EEF2K: variants seen among roughly 807,000 people sequenced by gnomAD.
EEF2K encodes alternative protein EEF2K.
In EEF2K, 70 loss-of-function variants were observed where a neutral mutation model predicts 93.8. The ratio of observed to expected loss-of-function variants is 0.75; its 90% CI spans 0.62 to 0.91. The LOEUF (loss-of-function observed/expected upper bound fraction) is 0.91. Among genes scored for constraint, EEF2K ranks in the 40% least tolerant of loss-of-function variants. The pLI, the probability that EEF2K is intolerant of heterozygous loss-of-function variation, is 0.00. For synonymous variants in EEF2K, 376 were observed against 380.8 expected, an observed-to-expected ratio of 0.99 and a Z score of 0.15; for missense variants, 935 against 972.9, an observed-to-expected ratio of 0.96 and a Z score of 0.52.
chr16:22,280,354 G>A lies in EEF2K; in HGVS notation c.2046G>A (p.Leu682=), dbSNP rs779842864. 5.7e-6 allele frequency: 9 copies of A among 1,591,042 alleles called. No homozygotes were observed. In the South Asian group the frequency reaches 5.7e-5, roughly 10 times the overall value. ...AEMLFTGGYG[L]EKDPQRSGDL... ...TGCTGTTCACAGGAGGCTACGGGCT[G>A]GAGAAGGACCCGCAGAGATCAGGTA... Residue 682 remains leucine (L), a synonymous_variant, in exon 17 of 18, where the codon CTG becomes CTA. Coordinates refer to ENST00000263026, the MANE Select transcript of EEF2K (RefSeq NM_013302.5).
intron 1 of EEF2K, among the ~76,000 whole-genome samples, chr16:22,218,061 A>G (rs1234229864): frequency 3.3e-5 from 5 of 152,186 alleles, no homozygotes; most frequent in Non-Finnish European, 7.3e-5. Flanking sequence ...CAGTCACTCA[A>G]GCAAAAAGCC....
Position 22,260,318 on chromosome 16 carries a change from T to G in EEF2K, c.1232-144T>G, listed in dbSNP as rs146969979. The G allele has an allele frequency of 6.2e-4, 462 of 747,918 alleles. No individual in the cohort carries two copies. In the African/African-American group the frequency reaches 6.4e-3, roughly 10 times the overall value. 46.3% of individuals were successfully genotyped at this position (747,918 alleles called of 1,614,324 possible). ...TTTAGCCTCCAGGTGCTGATAACAT[T>G]CTTCTCCTTTTTTGTGCCTTTCTTT... On this transcript the variant is annotated intron_variant, in intron 10 of 17. Transcript: ENST00000263026.
At chr16:22,276,687 A>G (rs1007222385) in intron 16 of EEF2K, among the ~76,000 whole-genome samples, 1 of 152,158 alleles carries the variant, frequency 6.6e-6, no homozygotes, top group Non-Finnish European at 1.5e-5. Flanking sequence ...TTTCAGGCCA[A>G]TTTTGCTTTG....
At chr16:22,244,889 A>G (rs560299371) in intron 3 of EEF2K, among the ~76,000 whole-genome samples, 159 bp downstream of exon 3, 1 of 152,172 alleles carries the variant, frequency 6.6e-6, no homozygotes, top group Non-Finnish European at 1.5e-5. Flanking sequence ...GGCCCGGTGC[A>G]TTACCTCACT....
At chr16:22,223,268 T>TG (rs1395029775) in intron 1 of EEF2K, among the ~76,000 whole-genome samples, 1 of 151,234 alleles carries the variant, frequency 6.6e-6, no homozygotes, top group Non-Finnish European at 1.5e-5. Flanking sequence ...TTCTGTTTTT[T>TG]TTTTTTTTTT....
intron 1 of EEF2K, among the ~76,000 whole-genome samples, chr16:22,223,262 G>GTTTTT (rs58446693): frequency 3.7e-5 from 4 of 107,476 alleles, no homozygotes; most frequent in African/African-American, 1.4e-4. Flanking sequence ...GTTTTTTTCT[G>GTTTTT]TTTTTTTTTT....
chr16:22,256,403 T>G (rs1426808342), intron 6 of EEF2K, among the ~76,000 whole-genome samples: 1 of 151,780 alleles, frequency 6.6e-6, no homozygotes, highest in Non-Finnish European at 1.5e-5. Context: ...CAGCCTTAAT[T>G]TTTGTATTTT....
At chr16:22,238,218 C>T (rs551173273) in intron 2 of EEF2K, among the ~76,000 whole-genome samples, 3 of 152,226 alleles carry the variant, frequency 2.0e-5, no homozygotes, top group South Asian at 4.1e-4. Context: ...ACCCAGGAGA[C>T]GGAGGTTGCA....
chr16:22,257,614 C>T, intron 8 of EEF2K, 29 bp from the exon 9 acceptor site: 1 of 1,608,712 alleles, frequency 6.2e-7, no homozygotes, highest in East Asian at 2.2e-5. Flanking sequence ...AGCAAAGCAA[C>T]ACTCCAGACA....
chr16:22,225,590 G>A (rs2047054341), intron 1 of EEF2K, 64 bp from the exon 2 acceptor site: 2 of 1,310,456 alleles, frequency 1.5e-6, no homozygotes, highest in Admixed American at 5.1e-5. Context: ...TTTGGGGTGA[G>A]GGTCGGGCGA....
At chr16:22,224,655 AAAG>A (rs2047045253) in intron 1 of EEF2K, among the ~76,000 whole-genome samples, 1 of 134,740 alleles carries the variant, frequency 7.4e-6, no homozygotes, top group Non-Finnish European at 1.6e-5. Context: ...AAAGAAAAGA[AAAG>A]AAAAAGAAAA....
In EEF2K at chr16:22,267,226, G is replaced by A. The variant is rs954460718; in HGVS notation, c.1764+350G>A. Reference sequence around the variant, plus strand: ...CAGGCTTCCTGCTCATCAGTTCTGTGTGTATCCCTAGTGGCTGGGGCCTGG... The same window carrying A: ...CAGGCTTCCTGCTCATCAGTTCTGTATGTATCCCTAGTGGCTGGGGCCTGG... On this transcript the variant is annotated intron_variant, in intron 15 of 17. Transcript: ENST00000263026. Among the ~76,000 whole-genome samples, 3 of 152,192 alleles carry A rather than the reference G, an allele frequency of 2.0e-5. No individual in the cohort carries two copies. The East Asian group carries it at 5.8e-4, about 29-fold the overall frequency.
chr16:22,260,862 C>T (rs1395290504), intron 11 of EEF2K, among the ~76,000 whole-genome samples: 1 of 152,144 alleles, frequency 6.6e-6, no homozygotes, highest in Non-Finnish European at 1.5e-5. Context: ...TCCTATAGAG[C>T]CCTAATACTG....
At chr16:22,239,632 G>A (rs1022048787) in intron 2 of EEF2K, among the ~76,000 whole-genome samples, 1 of 152,026 alleles carries the variant, frequency 6.6e-6, no homozygotes, top group Non-Finnish European at 1.5e-5. Context: ...GCAACATACC[G>A]AGATCCTGTC....
At chr16:22,221,105 G>T (rs6497580) in intron 1 of EEF2K, among the ~76,000 whole-genome samples, 73,027 of 152,090 alleles carry the variant, frequency 0.48, 21,276 homozygotes, top group East Asian at 0.88. Flanking sequence ...GTTTTCAAAC[G>T]GTGAGTATAG....
intron 9 of EEF2K, 75 bp from the exon 10 acceptor site, chr16:22,258,418 GA>G: frequency 6.7e-7 from 1 of 1,490,826 alleles, no homozygotes; most frequent in Non-Finnish European, 9.2e-7. Flanking sequence ...TTCAGGGTTA[GA>G]GGGAACAACA....
In EEF2K at chr16:22,250,695, A is replaced by G. The variant is rs1308721633; in HGVS notation, c.446+4A>G. ...CAATGAGGGAGTGCTTCCGGACGTA[A>G]GTGACTCAGCCTGGCTCTTGGGGCC... On this transcript the variant is annotated splice_donor_region_variant and intron_variant, in intron 5 of 17. Coordinates refer to ENST00000263026, the MANE Select transcript of EEF2K (RefSeq NM_013302.5). 7 of 1,614,036 alleles carry G rather than the reference A, an allele frequency of 4.3e-6. No homozygotes were observed. Among genetic ancestry groups the G allele is most frequent in the Non-Finnish European group, 5.9e-6 (7 of 1,180,040 alleles).
chr16:22,283,760 C>A, intron 17 of EEF2K, 127 bp from the exon 18 acceptor site: 2 of 856,926 alleles, frequency 2.3e-6, no homozygotes, highest in South Asian at 1.6e-5. Context: ...AGGGAGAGGG[C>A]ACACGGAGTA....
Position 22,251,229 on chromosome 16 carries a change from C to T in EEF2K, c.525C>T (p.Pro175=), listed in dbSNP as rs141676543. Residue 175 remains proline, a synonymous_variant, in exon 6 of 18, where the codon CCC becomes CCT. Coordinates refer to ENST00000263026, the MANE Select transcript of EEF2K (RefSeq NM_013302.5). ...ACGTGGCGAAGCGCTACATCGAGCC[C>T]GTAGACCGGGATGTGTACTTTGAGG... is the stretch of plus-strand genomic sequence containing the variant. The part of the protein sequence containing the change: ...SNYVAKRYIE[P]VDRDVYFEDV... 6.1e-5 allele frequency: 98 copies of T among 1,614,082 alleles called. 1 individual carries two copies. Among genetic ancestry groups the T allele is most frequent in the East Asian group, 2.7e-4 (12 of 44,854 alleles).
Sources: gnomAD v4.1 joint callset for allele counts (sites outside exome capture counted in the v4.1 genomes callset) on GRCh38, gnomAD v4.1.1 for gene constraint, MANE v1.5 for transcripts, NCBI Gene and HGNC (gene_info 2026-07-23, HGNC 2026-07-21) for gene names.